Variants in DHX33 observed in about 807,000 individuals in gnomAD.
DHX33 encodes DEAH-box helicase 33.
Under a neutral mutation model 72.5 loss-of-function variants are expected in DHX33, and 42 were observed. The observed-to-expected ratio is 0.58, with a 90% confidence interval of 0.45 to 0.75. The LOEUF (loss-of-function observed/expected upper bound fraction) is 0.75. Among genes scored for constraint, DHX33 ranks in the 30% least tolerant of loss-of-function variants. The pLI is 0.00. For synonymous variants in DHX33, 358 were observed against 366.1 expected (o/e 0.98, Z 0.25); for missense variants, 842 against 917.5 (o/e 0.92, Z 1.06).
At chr17:5,458,127 G>A (rs1427603835) in intron 4 of DHX33, among the ~76,000 whole-genome samples, 1 of 152,060 alleles carries the variant, frequency 6.6e-6, no homozygotes, top group Non-Finnish European at 1.5e-5. Flanking sequence ...TACCCAGGAC[G>A]GCCAGGAGAC....
intron 4 of DHX33, among the ~76,000 whole-genome samples, chr17:5,456,646 A>G (rs1904337616): frequency 6.6e-6 from 1 of 152,242 alleles, no homozygotes; most frequent in South Asian, 2.1e-4. Flanking sequence ...TTATAGGCCA[A>G]GTGATGAAAT....
At chr17:5,462,175 G>A in intron 3 of DHX33, 144 bp downstream of exon 3, 2 of 665,354 alleles carry the variant, frequency 3.0e-6, no homozygotes, top group Non-Finnish European at 5.0e-6. Flanking sequence ...CCTGACCTCA[G>A]GTGATCCACC....
At chr17:5,467,983 T>C (rs1255598967) in intron 1 of DHX33, among the ~76,000 whole-genome samples, 1 of 152,200 alleles carries the variant, frequency 6.6e-6, no homozygotes, top group African/African-American at 2.4e-5. Context: ...ATAACCGGAC[T>C]TGACTGCTGC....
Position 5,461,128 on chromosome 17 carries a change from A to G in DHX33, c.679-19T>C, listed in dbSNP as rs781011873. 77 of 1,592,862 alleles carry G rather than the reference A, an allele frequency of 4.8e-5. No homozygotes were observed. In the South Asian group the frequency reaches 8.6e-4, roughly 18 times the overall value. On this transcript the variant is annotated intron_variant, in intron 3 of 11. Coordinates refer to ENST00000225296, the MANE Select transcript of DHX33 (RefSeq NM_020162.4). Reference sequence around the variant, plus strand: ...CAATCACCTGCATAAGAGAACGAAGAGGAGGACCAGAAACAAATAGTGGGA... The same window carrying G: ...CAATCACCTGCATAAGAGAACGAAGGGGAGGACCAGAAACAAATAGTGGGA...
chr17:5,444,267 G>T lies in DHX33; in HGVS notation c.2062C>A (p.Gln688Lys). 1 of 1,614,264 alleles carries T rather than the reference G, an allele frequency of 6.2e-7. No individual in the cohort carries two copies. Among genetic ancestry groups the T allele is most frequent in the Non-Finnish European group, 8.5e-7 (1 of 1,180,050 alleles). ...YMRDLCVIDA[Q>K]WLYEAAPEYF... ...TCAGGGGCAGCCTCGTACAGCCACT[G>T]TGCATCTATGACGCAGAGGTCCCGC... is the stretch of plus-strand genomic sequence containing the variant. The change falls in exon 12 of 12, where the codon CAG becomes AAG. Residue 688 changes from glutamine (Q) to lysine (K), a missense_variant. Gln to Lys is a moderately conservative substitution (Grantham distance 53). Coordinates refer to ENST00000225296, the MANE Select transcript of DHX33 (RefSeq NM_020162.4). The surrounding 1 kb of genome is among the most constrained non-coding windows in gnomAD (Gnocchi z 4.9).
intron 8 of DHX33, among the ~76,000 whole-genome samples, chr17:5,452,052 C>A (rs1597357927): frequency 8.3e-6 from 1 of 120,332 alleles, no homozygotes; most frequent in African/African-American, 3.2e-5. Flanking sequence ...GTGGGTACCC[C>A]AAAAGAGTGG....
At chr17:5,456,213 C>T in intron 4 of DHX33, 31 bp from the exon 5 acceptor site, 2 of 1,605,598 alleles carry the variant, frequency 1.2e-6, no homozygotes, top group South Asian at 2.2e-5. Context: ...GTTTACTAGG[C>T]ATTGATAGAA....
Position 5,444,546 on chromosome 17 carries a change from C to A in DHX33, c.1816-33G>T. On this transcript the variant is annotated intron_variant, in intron 11 of 11. Transcript: ENST00000225296. This position sits in a 1 kb window ranked among gnomAD's most constrained non-coding sequence, Gnocchi z 4.9. ...GGGAGAAAGCGAGGAATGGAGCCGA[C>A]CCCACACGTAAACACTGGTCAGCAC... The A allele has an allele frequency of 3.1e-6, 5 of 1,596,332 alleles. No homozygotes were observed. The highest frequency in any genetic ancestry group is 2.2e-5 in the East Asian group (1 of 44,730).
Position 5,442,043 on chromosome 17 carries a change from T to C in DHX33, c.*2162A>G, listed in dbSNP as rs1466400517. The C allele has an allele frequency of 6.6e-6, 1 of 152,122 alleles. No homozygotes were observed. The highest frequency in any genetic ancestry group is 1.5e-5 in the Non-Finnish European group (1 of 68,078). The allele number at this position is 152,122 out of a possible 1,614,324, so 9.4% of individuals were successfully genotyped here. ...CCCGGTAGCTGGGATTACAGGCGTGTGCCACCATGCCCAGCTAAGTTTTCT... is the reference window on the plus strand; with the variant it reads ...CCCGGTAGCTGGGATTACAGGCGTGCGCCACCATGCCCAGCTAAGTTTTCT... On this transcript the variant is annotated 3_prime_UTR_variant, in exon 12 of 12. Coordinates refer to ENST00000225296, the MANE Select transcript of DHX33 (RefSeq NM_020162.4).
chr17:5,468,221 C>T (rs963096038), intron 1 of DHX33, among the ~76,000 whole-genome samples: 2 of 152,230 alleles, frequency 1.3e-5, no homozygotes, highest in Non-Finnish European at 2.9e-5. Flanking sequence ...CGGGCTTTCC[C>T]CCCTGCCTAG....
intron 4 of DHX33, 64 bp downstream of exon 4, chr17:5,460,875 A>G: frequency 6.5e-7 from 1 of 1,534,392 alleles, no homozygotes. Flanking sequence ...TCAAGGCTCA[A>G]TGTTCTCACT....
At position 5,444,113 on chromosome 17, in the gene DHX33, CT is replaced by C; in HGVS notation, c.*91del. Reference sequence around the variant, plus strand: ...CAGGCACCTTCAGCTGATTCCAAGGCTTCTCTAAGCGCCAACCTGGAAGCCT... The same window carrying C: ...CAGGCACCTTCAGCTGATTCCAAGGCTCTCTAAGCGCCAACCTGGAAGCCT... On this transcript the variant is annotated 3_prime_UTR_variant, in exon 12 of 12. Coordinates refer to ENST00000225296, the MANE Select transcript of DHX33 (RefSeq NM_020162.4). This position sits in a 1 kb window ranked among gnomAD's most constrained non-coding sequence, Gnocchi z 4.9. 1 of 1,454,200 alleles carries C rather than the reference CT, an allele frequency of 6.9e-7. No homozygotes were observed. The highest frequency in any genetic ancestry group is 2.3e-4 in the Middle Eastern group (1 of 4,426). 90.1% of individuals were successfully genotyped at this position (1,454,200 alleles called of 1,614,324 possible). A position where few individuals can be genotyped will look rare whatever the true frequency, so the allele number is the denominator to read the frequency against.
intron 10 of DHX33, among the ~76,000 whole-genome samples, chr17:5,449,990 G>A (rs1916820720): frequency 1.3e-5 from 2 of 152,160 alleles, no homozygotes; most frequent in South Asian, 2.1e-4. Flanking sequence ...CTTAAGTCTT[G>A]TTGACTTAAA....
In DHX33 at chr17:5,456,154, A is replaced by C. The variant is rs1567600894; in HGVS notation, c.878T>G (p.Val293Gly). ...GATCTCCTCCTGCCCAGTGAGGAACACCAGGATGTCCTGTGAAGAAGGGGC... is the reference window on the plus strand; with the variant it reads ...GATCTCCTCCTGCCCAGTGAGGAACCCCAGGATGTCCTGTGAAGAAGGGGC... ...QEAPSSQDIL[V>G]FLTGQEEIEA... The change falls in exon 5 of 12, where the codon GTG becomes GGG. Residue 293 changes from valine (V) to glycine (G), a missense_variant. Coordinates refer to ENST00000225296, the MANE Select transcript of DHX33 (RefSeq NM_020162.4). 1.9e-6 allele frequency: 3 copies of C among 1,614,184 alleles called. No individual in the cohort carries two copies. The highest frequency in any genetic ancestry group is 2.5e-6 in the Non-Finnish European group (3 of 1,180,016).
intron 9 of DHX33, among the ~76,000 whole-genome samples, 174 bp downstream of exon 9, chr17:5,450,633 T>A (rs530663591): frequency 6.6e-6 from 1 of 152,334 alleles, no homozygotes; most frequent in South Asian, 2.1e-4. Flanking sequence ...GGCTCTTAAC[T>A]TCATCTCTTT....
At chr17:5,461,887 C>T (rs912986524) in intron 3 of DHX33, among the ~76,000 whole-genome samples, 1 of 150,784 alleles carries the variant, frequency 6.6e-6, no homozygotes, top group Non-Finnish European at 1.5e-5. Context: ...TCTGCCAACT[C>T]CCTGAAATAC....
rs1567604044 is a variant in DHX33, at chr17:5,463,620, C to T, written c.359G>A (p.Gly120Asp). 4.3e-6 allele frequency: 7 copies of T among 1,614,012 alleles called. No homozygotes were observed. In the East Asian group the frequency reaches 1.6e-4, roughly 36 times the overall value. ...ACGAGGCTGGGTCACAGCAATGATG[C>T]CCTGGCGGCTGATCCCTCCTTCATA... ...YLYEGGISRQ[G>D]IIAVTQPRRV... The change falls in exon 2 of 12, where the codon GGC becomes GAC. Residue 120 changes from glycine to aspartate, a missense_variant. Gly to Asp is a moderately conservative substitution (Grantham distance 94). Transcript: ENST00000225296.
At chr17:5,452,873 T>C (rs569220300) in intron 8 of DHX33, among the ~76,000 whole-genome samples, 1 of 152,358 alleles carries the variant, frequency 6.6e-6, no homozygotes, top group African/African-American at 2.4e-5. Flanking sequence ...GACCCTTGTA[T>C]ACCCATCAAC....
intron 1 of DHX33, among the ~76,000 whole-genome samples, chr17:5,466,492 T>C (rs1904880438): frequency 6.6e-6 from 1 of 152,192 alleles, no homozygotes; most frequent in Admixed American, 6.5e-5. Context: ...CTCAGCTCAA[T>C]GACAAATCAG....
Sources: allele counts gnomAD v4.1 joint callset (sites outside exome capture counted in the v4.1 genomes callset), GRCh38; gene constraint gnomAD v4.1.1; non-coding constraint Gnocchi (gnomAD v3.1); transcripts MANE v1.5; gene names NCBI Gene and HGNC (gene_info 2026-07-23, HGNC 2026-07-21).